LARGE1: variants seen among roughly 807,000 people sequenced by gnomAD.
LARGE1 encodes LARGE xylosyl- and glucuronyltransferase 1.
In LARGE1, 43 loss-of-function variants were observed where a neutral mutation model predicts 87.6. The ratio of observed to expected loss-of-function variants is 0.49; its 90% CI spans 0.38 to 0.63. The LOEUF (loss-of-function observed/expected upper bound fraction) is 0.63. LARGE1 is among the 30% of genes least tolerant of loss of function. The pLI, the probability that LARGE1 is intolerant of heterozygous loss-of-function variation, is 0.00. For synonymous variants in LARGE1, 434 were observed against 394.6 expected (o/e 1.10, Z -1.18); for missense variants, 802 against 1,000.2 (o/e 0.80, Z 2.67).
intron 9 of LARGE1, among the ~76,000 whole-genome samples, chr22:33,355,230 T>C (rs1162240629): frequency 2.6e-5 from 4 of 152,218 alleles, no homozygotes; most frequent in Non-Finnish European, 5.9e-5. Context: ...AGCACCTTCA[T>C]TTCTGACCTG....
chr22:33,789,088 T>C (rs983185051), intron 1 of LARGE1, among the ~76,000 whole-genome samples: 4 of 152,192 alleles, frequency 2.6e-5, no homozygotes, highest in African/African-American at 9.7e-5. Flanking sequence ...GCCCCTCACA[T>C]CACAGGCTTG....
chr22:33,844,599 A>G (rs1256518939), intron 1 of LARGE1, among the ~76,000 whole-genome samples: 1 of 152,200 alleles, frequency 6.6e-6, no homozygotes, highest in Admixed American at 6.5e-5. Flanking sequence ...ACTGAAGAGC[A>G]TAAAAACAGC....
At chr22:33,677,585 C>T (rs1307351975) in intron 2 of LARGE1, among the ~76,000 whole-genome samples, 2 of 152,160 alleles carry the variant, frequency 1.3e-5, no homozygotes, top group African/African-American at 4.8e-5. Flanking sequence ...CCCACCATGG[C>T]CCTCAGTCAG....
the LARGE1 span, among the ~76,000 whole-genome samples, chr22:33,154,323 C>T: frequency 6.6e-6 from 1 of 152,180 alleles, no homozygotes; most frequent in African/African-American, 2.4e-5. Context: ...TCACTGAAAC[C>T]TTTACCTTCC....
chr22:33,543,867 C>T (rs571228415), intron 6 of LARGE1, among the ~76,000 whole-genome samples: 7 of 152,342 alleles, frequency 4.6e-5, no homozygotes, highest in South Asian at 2.1e-4. Flanking sequence ...TGGCCCTTGG[C>T]TGGCATCTGA....
chr22:33,396,076 G>A (rs1408716465), intron 7 of LARGE1, among the ~76,000 whole-genome samples: 2 of 152,212 alleles, frequency 1.3e-5, no homozygotes, highest in Non-Finnish European at 2.9e-5. Flanking sequence ...ACGTGAAAAT[G>A]AAGATTTGCT....
chr22:33,846,904 T>C (rs1425957210), intron 1 of LARGE1, among the ~76,000 whole-genome samples: 1 of 152,180 alleles, frequency 6.6e-6, no homozygotes, highest in East Asian at 1.9e-4. Flanking sequence ...ATTAGCAATT[T>C]TAATTTCACC....
chr22:33,375,230 C>A (rs1003038559), intron 9 of LARGE1, among the ~76,000 whole-genome samples: 2 of 152,190 alleles, frequency 1.3e-5, no homozygotes, highest in African/African-American at 2.4e-5. Flanking sequence ...GTCTATAGTG[C>A]ACAATGATTT....
chr22:33,828,802 A>G (rs1386706891), intron 1 of LARGE1, among the ~76,000 whole-genome samples: 1 of 152,184 alleles, frequency 6.6e-6, no homozygotes, highest in Non-Finnish European at 1.5e-5. Flanking sequence ...GAAGGAAAAA[A>G]GTTCTTTGTG....
the LARGE1 span, among the ~76,000 whole-genome samples, chr22:33,133,460 G>A: frequency 1.4e-3 from 213 of 152,218 alleles, no homozygotes; most frequent in African/African-American, 4.9e-3. Context: ...ACAGTTTCCT[G>A]AGAATGATGG....
At chr22:33,399,633 C>A (rs1215763848) in intron 7 of LARGE1, among the ~76,000 whole-genome samples, 1 of 152,144 alleles carries the variant, frequency 6.6e-6, no homozygotes, top group Non-Finnish European at 1.5e-5. Flanking sequence ...ACTGCAAGCT[C>A]CACCTCCCGG....
chr22:33,614,079 C>T (rs1312669410), intron 4 of LARGE1, among the ~76,000 whole-genome samples: 1 of 151,592 alleles, frequency 6.6e-6, no homozygotes, highest in Non-Finnish European at 1.5e-5. Flanking sequence ...GCAAAACTGC[C>T]TGTTTTTTTT....
intron 4 of LARGE1, among the ~76,000 whole-genome samples, chr22:33,621,919 T>C (rs1044604279): frequency 6.6e-6 from 1 of 152,198 alleles, no homozygotes; most frequent in South Asian, 2.1e-4. Context: ...TGAATGTATG[T>C]TCTGAACTGG....
intron 6 of LARGE1, among the ~76,000 whole-genome samples, chr22:33,481,877 A>C (rs1010013830): frequency 3.9e-5 from 6 of 152,202 alleles, no homozygotes; most frequent in Non-Finnish European, 8.8e-5. Context: ...TTAGGACAAT[A>C]AAATTTTGAG....
intron 5 of LARGE1, among the ~76,000 whole-genome samples, chr22:33,589,177 T>C (rs2078764172): frequency 2.0e-5 from 3 of 152,182 alleles, no homozygotes; most frequent in Admixed American, 2.0e-4. Context: ...CAATTCTTGT[T>C]TCCACCACTC....
chr22:33,880,725 C>G (rs564759983), intron 1 of LARGE1, among the ~76,000 whole-genome samples: 3 of 152,240 alleles, frequency 2.0e-5, no homozygotes, highest in East Asian at 3.9e-4. Flanking sequence ...CTAGGTGTTG[C>G]TTTAAATTCT....
chr22:33,488,087 GC>G (rs2069666088), intron 6 of LARGE1, among the ~76,000 whole-genome samples: 1 of 152,162 alleles, frequency 6.6e-6, no homozygotes, highest in Non-Finnish European at 1.5e-5. Context: ...CTTTGCTGGT[GC>G]CCAAAGGACT....
Position 33,427,271 on chromosome 22 carries a change from G to A in LARGE1, c.892+4890C>T, listed in dbSNP as rs559772723. ...GTGAAAGACGCCTGTAATTTCACCC[G>A]AACAGTTATGGGCAAGAGCTTCATG... is the stretch of plus-strand genomic sequence containing the variant. On this transcript the variant is annotated intron_variant, in intron 7 of 14. Coordinates refer to ENST00000397394, the MANE Select transcript of LARGE1 (RefSeq NM_133642.5). 4.6e-5 allele frequency among the ~76,000 whole-genome samples: 7 copies of A among 152,268 alleles called. No homozygotes were observed. The East Asian group carries it at 5.8e-4, about 13-fold the overall frequency.
chr22:33,653,291 A>C (rs996307426), intron 2 of LARGE1, among the ~76,000 whole-genome samples: 1 of 152,210 alleles, frequency 6.6e-6, no homozygotes, highest in Non-Finnish European at 1.5e-5. Context: ...AACCAAGACT[A>C]AAGTTTAAAC....
Sources: allele counts gnomAD v4.1 joint callset (sites outside exome capture counted in the v4.1 genomes callset), GRCh38; gene constraint gnomAD v4.1.1; transcripts MANE v1.5; gene names NCBI Gene and HGNC (gene_info 2026-07-23, HGNC 2026-07-21).